LRRC8B: variants seen among roughly 807,000 people sequenced by gnomAD.
LRRC8B encodes volume-regulated anion channel subunit LRRC8B.
In LRRC8B, 23 loss-of-function variants were observed where a neutral mutation model predicts 58.8. That is an observed-to-expected ratio of 0.39 (90% CI 0.28 to 0.55). The LOEUF is 0.55. Ranked by LOEUF, LRRC8B falls within the 20% of genes least tolerant of loss-of-function variation. The pLI, the probability that LRRC8B is intolerant of heterozygous loss-of-function variation, is 0.62. For missense variants in LRRC8B, 694 were observed against 936.0 expected, an observed-to-expected ratio of 0.74 and a Z score of 3.37; for synonymous variants, 359 against 374.1, an observed-to-expected ratio of 0.96 and a Z score of 0.47.
At chr1:89,564,701 G>T (rs1274023971) in intron 1 of LRRC8B, among the ~76,000 whole-genome samples, 1 of 152,192 alleles carries the variant, frequency 6.6e-6, no homozygotes, top group Non-Finnish European at 1.5e-5. Context: ...AGGCAGGAAG[G>T]CATCAAATCA....
chr1:89,580,612 G>A (rs369395989), intron 4 of LRRC8B, among the ~76,000 whole-genome samples: 20 of 151,912 alleles, frequency 1.3e-4, no homozygotes, highest in East Asian at 9.7e-4. Context: ...GTCTTACCTC[G>A]ACACACAATT....
chr1:89,536,869 T>C (rs868521129), intron 1 of LRRC8B, among the ~76,000 whole-genome samples: 1 of 152,190 alleles, frequency 6.6e-6, no homozygotes, highest in Non-Finnish European at 1.5e-5. Context: ...GAGGGTACTT[T>C]TAATTTTTAA....
At chr1:89,585,666 G>A (rs1031684) in intron 5 of LRRC8B, among the ~76,000 whole-genome samples, 63,841 of 151,784 alleles carry the variant, frequency 0.42, 14,306 homozygotes, top group South Asian at 0.55. Flanking sequence ...AAAATTAGCT[G>A]CGCGTGGTGG....
In LRRC8B at chr1:89,584,299, C is replaced by T; in HGVS notation, c.1649C>T (p.Ser550Phe). ...ACCCTGTACTTGAAGAGCAGCCTCT[C>T]CCGGATCCCACAAGTTGTTACAGAC... ...LRTLYLKSSLSRIPQVVTDLL... is the reference protein window; with the variant it reads ...LRTLYLKSSLFRIPQVVTDLL... Residue 550 changes from serine to phenylalanine, a missense_variant, in exon 5 of 6, where the codon TCC (serine) becomes TTC (phenylalanine). Physicochemically the swap from Ser to Phe is radical, Grantham distance 155. Around this residue, in one of 5 missense-constraint regions of LRRC8B, gnomAD observed 162 missense variants for 198.5 expected, o/e 0.82. Coordinates refer to ENST00000330947, the MANE Select transcript of LRRC8B (RefSeq NM_001369817.2). The T allele has an allele frequency of 6.2e-7, 1 of 1,614,134 alleles. No homozygotes were observed. The highest frequency in any genetic ancestry group is 1.1e-5 in the South Asian group (1 of 91,084).
chr1:89,532,726 A>G (rs767004588), intron 1 of LRRC8B, among the ~76,000 whole-genome samples: 1 of 152,180 alleles, frequency 6.6e-6, no homozygotes, highest in African/African-American at 2.4e-5. Context: ...GTATGTCTTC[A>G]TTAGTGTGAG....
At chr1:89,559,215 T>C (rs17130828) in intron 1 of LRRC8B, among the ~76,000 whole-genome samples, 27,943 of 152,056 alleles carry the variant, frequency 0.18, 3,319 homozygotes, top group South Asian at 0.33. Context: ...TTAAGCATAA[T>C]GCTCAGGATG....
At chr1:89,545,584 G>A (rs113212072) in intron 1 of LRRC8B, among the ~76,000 whole-genome samples, 1,642 of 152,268 alleles carry the variant, frequency 0.011, 33 homozygotes, top group African/African-American at 0.038. Context: ...TAAAATTGTT[G>A]TGTCAAATTT....
intron 1 of LRRC8B, among the ~76,000 whole-genome samples, chr1:89,540,740 T>C (rs1650899774): frequency 6.6e-6 from 1 of 152,172 alleles, no homozygotes; most frequent in African/African-American, 2.4e-5. Context: ...CACTGGCAAC[T>C]GTGTGGAGGG....
At chr1:89,572,869 T>G (rs1421129005) in intron 3 of LRRC8B, among the ~76,000 whole-genome samples, 2 of 152,196 alleles carry the variant, frequency 1.3e-5, no homozygotes, top group African/African-American at 4.8e-5. Flanking sequence ...TTAGAAAATA[T>G]GGTAGCTTAC....
intron 1 of LRRC8B, among the ~76,000 whole-genome samples, chr1:89,567,820 G>T (rs1331384780): frequency 6.6e-6 from 1 of 152,000 alleles, no homozygotes; most frequent in African/African-American, 2.4e-5. Context: ...TTTAGTAGGG[G>T]AATGACTTCA....
chr1:89,580,518 C>T (rs1363436125), intron 4 of LRRC8B, among the ~76,000 whole-genome samples: 1 of 152,228 alleles, frequency 6.6e-6, no homozygotes, highest in Admixed American at 6.5e-5. Context: ...CCTCACACCC[C>T]TGGCCACATC....
intron 1 of LRRC8B, among the ~76,000 whole-genome samples, chr1:89,564,112 C>G (rs546560978): frequency 2.0e-4 from 31 of 152,302 alleles, no homozygotes; most frequent in African/African-American, 7.5e-4. Flanking sequence ...TGTTATTTAA[C>G]TACAGATTAA....
At chr1:89,540,090 A>G (rs1650843625) in intron 1 of LRRC8B, among the ~76,000 whole-genome samples, 1 of 152,180 alleles carries the variant, frequency 6.6e-6, no homozygotes, top group Admixed American at 6.5e-5. Context: ...TCTTTAATCA[A>G]TTACCTAAGA....
chr1:89,566,823 CTTGGGAGCCGTTCCTTATATGTCCTTGG>C (rs1245449167), intron 1 of LRRC8B, among the ~76,000 whole-genome samples: 2 of 152,154 alleles, frequency 1.3e-5, no homozygotes, highest in Non-Finnish European at 2.9e-5. Flanking sequence ...TCCTCAGTCA[CTTGGGAGCCGTTCCTTATATGTCCTTGG>C]TTGGGAGCCT....
At chr1:89,529,498 T>C (rs1377697200) in intron 1 of LRRC8B, among the ~76,000 whole-genome samples, 2 of 149,428 alleles carry the variant, frequency 1.3e-5, no homozygotes, top group East Asian at 3.9e-4. Flanking sequence ...CTCTCTCTGT[T>C]TTTTTACCTG....
chr1:89,584,172 C>T lies in LRRC8B; in HGVS notation c.1522C>T (p.His508Tyr). The T allele has an allele frequency of 6.2e-7, 1 of 1,611,744 alleles. No homozygotes were observed. The change falls in exon 5 of 6, where the codon CAC (histidine) becomes TAC (tyrosine). Residue 508 changes from histidine (H) to tyrosine (Y), a missense_variant. His to Tyr is a moderately conservative substitution (Grantham distance 83, BLOSUM62 2). Transcript: ENST00000330947. ...GGGAAAAATCCCACGCTGGGTATTTCACCTCAAGAATCTCAAGGAACTTTA... is the reference window on the plus strand; with the variant it reads ...GGGAAAAATCCCACGCTGGGTATTTTACCTCAAGAATCTCAAGGAACTTTA... Reference protein sequence around the residue: ...EMGKIPRWVFHLKNLKELYLS... With the variant: ...EMGKIPRWVFYLKNLKELYLS...
rs143262943 is a variant in LRRC8B, at chr1:89,551,653, G to A, written c.-240-16594G>A. Among the ~76,000 whole-genome samples the A allele has an allele frequency of 9.0e-3, 1,370 of 152,214 alleles. 26 individuals are homozygous for A. The highest frequency in any genetic ancestry group is 0.031 in the African/African-American group (1,285 of 41,530). Reference sequence around the variant, plus strand: ...AATGAATATAAATATAAAGGATCAGGCTCTGTGGTGAAAGTGCAGTATTTG... The same window carrying A: ...AATGAATATAAATATAAAGGATCAGACTCTGTGGTGAAAGTGCAGTATTTG... On this transcript the variant is annotated intron_variant, in intron 1 of 5. Transcript: ENST00000330947.
intron 1 of LRRC8B, among the ~76,000 whole-genome samples, chr1:89,555,764 C>G (rs1652142049): frequency 6.6e-6 from 1 of 152,160 alleles, no homozygotes; most frequent in African/African-American, 2.4e-5. Context: ...GCAAGCTTGA[C>G]CTTTTAAGTG....
intron 1 of LRRC8B, among the ~76,000 whole-genome samples, chr1:89,564,192 T>G (rs1652874169): frequency 6.6e-6 from 1 of 152,212 alleles, no homozygotes; most frequent in African/African-American, 2.4e-5. Flanking sequence ...GCAAGCAGGA[T>G]GTACCCTTGC....
Sources: gnomAD v4.1 joint callset for allele counts (sites outside exome capture counted in the v4.1 genomes callset) on GRCh38, gnomAD v4.1.1 for gene constraint, gnomAD v4.1.1 regional missense constraint, MANE v1.5 for transcripts, NCBI Gene and HGNC (gene_info 2026-07-23, HGNC 2026-07-21) for gene names.